Variants in GFOD1 observed in about 807,000 individuals in gnomAD.
GFOD1 encodes glucose-fructose oxidoreductase domain-containing protein 1.
A neutral mutation model predicts 25.4 loss-of-function variants in GFOD1; 9 were observed. The ratio of observed to expected loss-of-function variants is 0.35; its 90% CI spans 0.21 to 0.62. GFOD1 has a LOEUF of 0.62. GFOD1 is among the 20% of genes least tolerant of loss of function. GFOD1 has a pLI of 0.72. For synonymous variants in GFOD1, 253 were observed against 245.6 expected (o/e 1.03, Z -0.28); for missense variants, 403 against 556.9 (o/e 0.72, Z 2.78).
chr6:13,383,015 C>A (rs567241349), intron 1 of GFOD1, among the ~76,000 whole-genome samples: 2 of 152,286 alleles, frequency 1.3e-5, no homozygotes, highest in Admixed American at 6.5e-5. Context: ...CTTTTTATGG[C>A]TACATAGTAT....
rs182366197 is a variant in GFOD1, at chr6:13,389,161, G to C, written c.254-23499C>G. On this transcript the variant is annotated intron_variant, in intron 1 of 1. Transcript: ENST00000379287. ...AGAAATAGGAAACTTTTACACTGTT[G>C]GTGGGAGTGTAAATTAGTTTAACCA... 2.2e-3 allele frequency among the ~76,000 whole-genome samples: 335 copies of C among 152,336 alleles called. 2 individuals carry two copies. Among genetic ancestry groups the C allele is most frequent in the African/African-American group, 7.6e-3 (317 of 41,566 alleles).
At chr6:13,413,634 GA>G (rs1013915167) in intron 1 of GFOD1, among the ~76,000 whole-genome samples, 2 of 152,040 alleles carry the variant, frequency 1.3e-5, no homozygotes, top group African/African-American at 4.8e-5. Context: ...GCCAAGATGG[GA>G]AAAAAAGCAC....
chr6:13,379,619 C>T (rs942237032), intron 1 of GFOD1, among the ~76,000 whole-genome samples: 1 of 152,182 alleles, frequency 6.6e-6, no homozygotes, highest in African/African-American at 2.4e-5. Flanking sequence ...TTCTTTGTTC[C>T]TTGTGTTTCT....
intron 1 of GFOD1, among the ~76,000 whole-genome samples, chr6:13,389,948 A>G (rs1317027633): frequency 6.6e-6 from 1 of 151,988 alleles, no homozygotes; most frequent in East Asian, 1.9e-4. Context: ...TCCTCTGCTC[A>G]GTCATCAAGT....
At chr6:13,448,965 A>G (rs1260001123) in intron 1 of GFOD1, among the ~76,000 whole-genome samples, 3 of 152,218 alleles carry the variant, frequency 2.0e-5, no homozygotes, top group African/African-American at 7.2e-5. Context: ...CCACCTGGGC[A>G]ATCCAGGGCA....
chr6:13,460,818 C>T (rs781448631), intron 1 of GFOD1, among the ~76,000 whole-genome samples: 2 of 152,144 alleles, frequency 1.3e-5, no homozygotes, highest in Non-Finnish European at 2.9e-5. Flanking sequence ...GTCCTGCATA[C>T]GTATTCCAGA....
chr6:13,422,050 G>T (rs1411742202), intron 1 of GFOD1, among the ~76,000 whole-genome samples: 2 of 152,064 alleles, frequency 1.3e-5, no homozygotes, highest in African/African-American at 4.8e-5. Flanking sequence ...AAAAACTAGG[G>T]GTTGGTTGGG....
At chr6:13,382,830 C>A (rs968637907) in intron 1 of GFOD1, among the ~76,000 whole-genome samples, 1 of 152,144 alleles carries the variant, frequency 6.6e-6, no homozygotes, top group African/African-American at 2.4e-5. Context: ...CAACCCTACT[C>A]CCCAACAGGC....
At chr6:13,438,615 C>G (rs1757868685) in intron 1 of GFOD1, among the ~76,000 whole-genome samples, 1 of 151,866 alleles carries the variant, frequency 6.6e-6, no homozygotes, top group African/African-American at 2.4e-5. Context: ...TATAATGGAC[C>G]CAACATATAT....
At chr6:13,433,435 T>G (rs923869470) in intron 1 of GFOD1, among the ~76,000 whole-genome samples, 2 of 152,140 alleles carry the variant, frequency 1.3e-5, no homozygotes, top group African/African-American at 4.8e-5. Context: ...TCACTTTTTG[T>G]TGTAGGGAGC....
rs909644203 is a variant in GFOD1, at chr6:13,408,006, T to C, written c.254-42344A>G. On this transcript the variant is annotated intron_variant, in intron 1 of 1. Coordinates refer to ENST00000379287, the MANE Select transcript of GFOD1 (RefSeq NM_018988.4). ...CACCCAAAGGTGGGAGCACTTGGCT[T>C]TGCTCCCAGAAAACTATAATCTGGT... 1.6e-5 allele frequency: 16 copies of C among 984,960 alleles called. No individual in the cohort carries two copies. In the African/African-American group the frequency reaches 2.4e-4, roughly 15 times the overall value. The allele number at this position is 984,960 out of a possible 1,614,324, so 61.0% of individuals were successfully genotyped here.
Position 13,362,034 on chromosome 6 carries a change from A to G in GFOD1, c.*2709T>C, listed in dbSNP as rs2127553640. The G allele has an allele frequency of 6.6e-6, 1 of 152,342 alleles. No homozygotes were observed. The highest frequency in any genetic ancestry group is 2.4e-5 in the African/African-American group (1 of 41,580). 9.4% of individuals were successfully genotyped at this position (152,342 alleles called of 1,614,324 possible). A position where few individuals can be genotyped will look rare whatever the true frequency, so the allele number is the denominator to read the frequency against. On this transcript the variant is annotated 3_prime_UTR_variant, in exon 2 of 2. Transcript: ENST00000379287. ...CTATTTAGGTTATGAATGACTTAGA[A>G]AAATGAAACCCATTGAATCATTTTG...
In GFOD1 at chr6:13,359,634, A is replaced by G. The variant is rs759700236; in HGVS notation, c.*5109T>C. ...CTCGTTTTCTGAGTACATTCAAGACATAATTGAATTTATTTTAAAAAATGG... is the reference window on the plus strand; with the variant it reads ...CTCGTTTTCTGAGTACATTCAAGACGTAATTGAATTTATTTTAAAAAATGG... On this transcript the variant is annotated 3_prime_UTR_variant, in exon 2 of 2. Transcript: ENST00000379287. 6.6e-6 allele frequency: 1 copy of G among 152,214 alleles called. No homozygotes were observed. The highest frequency in any genetic ancestry group is 1.5e-5 in the Non-Finnish European group (1 of 68,044). The allele number at this position is 152,214 out of a possible 1,614,324, so 9.4% of individuals were successfully genotyped here. A position where few individuals can be genotyped will look rare whatever the true frequency, so the allele number is the denominator to read the frequency against.
intron 1 of GFOD1, among the ~76,000 whole-genome samples, chr6:13,479,295 T>A (rs115671365): frequency 0.042 from 6,466 of 152,196 alleles, 193 homozygotes; most frequent in Middle Eastern, 0.082. Context: ...GCCAGGTAGG[T>A]CTTTATATTT....
At position 13,410,577 on chromosome 6, in the gene GFOD1, GGAGA is replaced by G. The variant is rs10530261; in HGVS notation, c.254-44919_254-44916del. Among the ~76,000 whole-genome samples, 629 of 128,170 alleles carry G rather than the reference GGAGA, an allele frequency of 4.9e-3. 8 individuals are homozygous for G. Among genetic ancestry groups the G allele is most frequent in the African/African-American group, 0.02 (558 of 27,826 alleles). 84.1% of individuals were successfully genotyped at this position (128,170 alleles called of 152,430 possible). On this transcript the variant is annotated intron_variant, in intron 1 of 1. Coordinates refer to ENST00000379287, the MANE Select transcript of GFOD1 (RefSeq NM_018988.4). ...AGCAAAACTCTGTCAAAGAAAGAAA[GGAGA>G]GAGAGAGAGAGAGAGAGAGAGAGAG...
chr6:13,440,250 C>T (rs1318039908), intron 1 of GFOD1, among the ~76,000 whole-genome samples: 1 of 151,800 alleles, frequency 6.6e-6, no homozygotes, highest in African/African-American at 2.4e-5. Context: ...AATGCAATGG[C>T]GCGATCTCAG....
intron 1 of GFOD1, among the ~76,000 whole-genome samples, chr6:13,458,067 T>G (rs2127574927): frequency 6.6e-6 from 1 of 152,350 alleles, no homozygotes; most frequent in East Asian, 1.9e-4. Flanking sequence ...CCTGTTTTCC[T>G]CATCCATAAT....
intron 1 of GFOD1, among the ~76,000 whole-genome samples, chr6:13,374,162 C>A (rs1785204049): frequency 6.6e-6 from 1 of 152,100 alleles, no homozygotes; most frequent in African/African-American, 2.4e-5. Flanking sequence ...GAGGGGTAAG[C>A]AACTTGCCTC....
At chr6:13,395,293 C>A (rs1485045164) in intron 1 of GFOD1, among the ~76,000 whole-genome samples, 1 of 152,180 alleles carries the variant, frequency 6.6e-6, no homozygotes, top group African/African-American at 2.4e-5. Flanking sequence ...CTGGATTAAA[C>A]AAGGAATGGC....
Sources: allele counts gnomAD v4.1 joint callset (sites outside exome capture counted in the v4.1 genomes callset), GRCh38; gene constraint gnomAD v4.1.1; transcripts MANE v1.5; gene names NCBI Gene and HGNC (gene_info 2026-07-23, HGNC 2026-07-21).